The following DOCK3 variants were observed in gnomAD, a reference collection of about 807,000 sequenced individuals.
DOCK3 encodes dedicator of cytokinesis 3.
DOCK3 carries 60 observed loss-of-function variants against 265.6 expected under a neutral mutation model. That is an observed-to-expected ratio of 0.23 (90% confidence interval 0.18 to 0.28). The LOEUF (loss-of-function observed/expected upper bound fraction) is 0.28. DOCK3 is among the 10% of genes least tolerant of loss of function. The pLI, the probability that DOCK3 is intolerant of heterozygous loss-of-function variation, is 1.00. For synonymous variants in DOCK3, 881 were observed against 938.0 expected, an observed-to-expected ratio of 0.94 and a Z score of 1.11; for missense variants, 1,981 against 2,594.3, an observed-to-expected ratio of 0.76 and a Z score of 5.14.
At chr3:51,221,454 T>TA (rs1445504847) in intron 14 of DOCK3, among the ~76,000 whole-genome samples, 1 of 152,174 alleles carries the variant, frequency 6.6e-6, no homozygotes, top group African/African-American at 2.4e-5. Flanking sequence ...AAAAGTGTTG[T>TA]AAAAACAAAG....
chr3:51,078,355 A>G (rs1036569482), intron 7 of DOCK3, among the ~76,000 whole-genome samples: 3 of 152,234 alleles, frequency 2.0e-5, no homozygotes, highest in Non-Finnish European at 2.9e-5. Flanking sequence ...TTAAAAGTTT[A>G]GAGGTTCAAT....
intron 1 of DOCK3, among the ~76,000 whole-genome samples, chr3:50,725,341 A>T (rs1467310218): frequency 6.6e-6 from 1 of 152,216 alleles, no homozygotes; most frequent in Admixed American, 6.5e-5. Flanking sequence ...TATTATAATC[A>T]CTAAAGTACT....
At chr3:50,870,901 A>G (rs1444489144) in intron 3 of DOCK3, among the ~76,000 whole-genome samples, 1 of 152,006 alleles carries the variant, frequency 6.6e-6, no homozygotes, top group African/African-American at 2.4e-5. Context: ...GAAAAACTTC[A>G]CTTTAATTCC....
intron 21 of DOCK3, among the ~76,000 whole-genome samples, chr3:51,246,016 T>C (rs1228714247): frequency 6.6e-6 from 1 of 152,186 alleles, no homozygotes; most frequent in Non-Finnish European, 1.5e-5. Flanking sequence ...CATATAAATA[T>C]GCAGACCTTC....
Position 51,121,611 on chromosome 3 carries a change from G to A in DOCK3, c.747-24938G>A, listed in dbSNP as rs113932009. Among the ~76,000 whole-genome samples the A allele has an allele frequency of 8.1e-3, 1,238 of 152,246 alleles. 9 individuals carry two copies. The highest frequency in any genetic ancestry group is 0.013 in the African/African-American group (548 of 41,542). On this transcript the variant is annotated intron_variant, in intron 9 of 52. Transcript: ENST00000266037. ...TCATAAATAAGTTGAGTTATGATAA[G>A]TTTTAAAGACAATTGGAAGACATTT...
At chr3:50,820,707 T>C (rs1371380822) in intron 2 of DOCK3, among the ~76,000 whole-genome samples, 1 of 152,212 alleles carries the variant, frequency 6.6e-6, no homozygotes, top group Non-Finnish European at 1.5e-5. Context: ...CTGGGTCGAA[T>C]GGTGGCTTTA....
At chr3:50,970,915 A>G (rs866590750) in intron 5 of DOCK3, among the ~76,000 whole-genome samples, 2 of 62,378 alleles carry the variant, frequency 3.2e-5, no homozygotes, top group Admixed American at 1.9e-4. Flanking sequence ...ATATATATAT[A>G]TATATATATA....
intron 9 of DOCK3, among the ~76,000 whole-genome samples, chr3:51,101,145 ACT>A (rs1442369031): frequency 1.7e-5 from 2 of 117,416 alleles, no homozygotes; most frequent in Admixed American, 2.2e-4. Context: ...ACGGAGTCTC[ACT>A]CTGTCGCCCA....
intron 9 of DOCK3, among the ~76,000 whole-genome samples, chr3:51,092,079 CTGTT>C (rs1190907791): frequency 2.6e-5 from 4 of 152,172 alleles, no homozygotes; most frequent in African/African-American, 7.2e-5. Context: ...AACTGGGTAG[CTGTT>C]TGAGCAGGCA....
intron 2 of DOCK3, among the ~76,000 whole-genome samples, chr3:50,805,941 G>A (rs2043385005): frequency 6.6e-6 from 1 of 152,098 alleles, no homozygotes; most frequent in African/African-American, 2.4e-5. Context: ...CTGGCCTGGG[G>A]GAATATGTCA....
intron 1 of DOCK3, among the ~76,000 whole-genome samples, chr3:50,709,020 A>G (rs750263497): frequency 3.9e-5 from 6 of 152,206 alleles, no homozygotes; most frequent in Non-Finnish European, 5.9e-5. Flanking sequence ...GCATTCTTCC[A>G]TCCAGTGCTC....
intron 4 of DOCK3, among the ~76,000 whole-genome samples, chr3:50,919,172 A>G (rs923459857): frequency 6.6e-6 from 1 of 152,172 alleles, no homozygotes; most frequent in African/African-American, 2.4e-5. Context: ...GCCTTGTAGT[A>G]TAGTTTGAAG....
intron 2 of DOCK3, among the ~76,000 whole-genome samples, chr3:50,789,256 A>G (rs1416798512): frequency 6.6e-6 from 1 of 152,170 alleles, no homozygotes. Context: ...ATTCAGCAGC[A>G]GGTTAGTTTC....
At chr3:50,865,349 T>A (rs1442301750) in intron 3 of DOCK3, among the ~76,000 whole-genome samples, 1 of 152,184 alleles carries the variant, frequency 6.6e-6, no homozygotes, top group Non-Finnish European at 1.5e-5. Flanking sequence ...TCTGTCTCCA[T>A]GAGTTCTGTT....
chr3:50,756,100 C>G (rs2040143308), intron 1 of DOCK3, among the ~76,000 whole-genome samples: 1 of 152,140 alleles, frequency 6.6e-6, no homozygotes, highest in Non-Finnish European at 1.5e-5. Context: ...TTTCCCCTCC[C>G]TTGATTTTTT....
intron 5 of DOCK3, among the ~76,000 whole-genome samples, chr3:50,965,408 TAGAAA>T (rs1427702849): frequency 6.6e-6 from 1 of 151,700 alleles, no homozygotes; most frequent in African/African-American, 2.4e-5. Context: ...CCTAAGTAAA[TAGAAA>T]AGGAGAAATA....
intron 5 of DOCK3, among the ~76,000 whole-genome samples, chr3:51,049,834 A>G (rs1239871271): frequency 3.0e-5 from 2 of 67,416 alleles, no homozygotes; most frequent in Non-Finnish European, 6.9e-5. Context: ...CACACCCCAA[A>G]AAAACACTGT....
At chr3:50,882,205 G>A (rs1178958581) in intron 3 of DOCK3, among the ~76,000 whole-genome samples, 3 of 152,096 alleles carry the variant, frequency 2.0e-5, no homozygotes, top group East Asian at 1.9e-4. Flanking sequence ...TATAGGCATG[G>A]GCAAGGACTT....
intron 3 of DOCK3, among the ~76,000 whole-genome samples, chr3:50,881,461 C>A (rs1046478444): frequency 2.0e-5 from 3 of 152,192 alleles, no homozygotes; most frequent in Admixed American, 6.5e-5. Context: ...CACAAGCATT[C>A]CTGTACACCA....
Sources: allele counts gnomAD v4.1 joint callset (sites outside exome capture counted in the v4.1 genomes callset), GRCh38; gene constraint gnomAD v4.1.1; transcripts MANE v1.5; gene names NCBI Gene and HGNC (gene_info 2026-07-23, HGNC 2026-07-21).